Variants in RCOR1 observed in about 807,000 individuals in gnomAD.
RCOR1 encodes the protein REST corepressor.
RCOR1 carries 12 observed loss-of-function variants against 64.0 expected under a neutral mutation model. The ratio of observed to expected loss-of-function variants is 0.19; its 90% CI spans 0.12 to 0.30. The LOEUF is 0.30. Among genes scored for constraint, RCOR1 ranks in the 10% least tolerant of loss-of-function variants. The pLI, the probability that RCOR1 is intolerant of heterozygous loss-of-function variation, is 1.00. For missense variants in RCOR1, 502 were observed against 621.2 expected, an observed-to-expected ratio of 0.81 and a Z score of 2.04; for synonymous variants, 279 against 227.2, an observed-to-expected ratio of 1.23 and a Z score of -2.05.
intron 2 of RCOR1, among the ~76,000 whole-genome samples, chr14:102,668,096 G>A (rs1260588099): frequency 6.6e-6 from 1 of 152,156 alleles, no homozygotes; most frequent in Non-Finnish European, 1.5e-5. Context: ...TAAAAAAGTG[G>A]TAGAGAAAAC....
At chr14:102,720,736 C>T (rs1896155243) in intron 8 of RCOR1, among the ~76,000 whole-genome samples, 1 of 152,154 alleles carries the variant, frequency 6.6e-6, no homozygotes, top group African/African-American at 2.4e-5. Flanking sequence ...TCAGGTATCA[C>T]CTGTTAGGAA....
At chr14:102,610,637 A>G (rs545018941) in intron 2 of RCOR1, among the ~76,000 whole-genome samples, 1 of 152,136 alleles carries the variant, frequency 6.6e-6, no homozygotes, top group Non-Finnish European at 1.5e-5. Flanking sequence ...ATCTCAGCTT[A>G]CTGCAAGCTC....
intron 2 of RCOR1, among the ~76,000 whole-genome samples, chr14:102,620,178 C>T (rs1447068640): frequency 6.6e-6 from 1 of 151,546 alleles, no homozygotes; most frequent in Non-Finnish European, 1.5e-5. Flanking sequence ...TTGCTTAAGG[C>T]CAGGAGTTTG....
intron 2 of RCOR1, among the ~76,000 whole-genome samples, chr14:102,597,732 C>T (rs1328741132): frequency 7.1e-6 from 1 of 141,792 alleles, no homozygotes; most frequent in Non-Finnish European, 1.5e-5. Flanking sequence ...CTCCCGGGTT[C>T]AAGCAGTTCT....
chr14:102,701,318 C>T lies in RCOR1; in HGVS notation c.486C>T (p.Tyr162=). ...CCATTGCCAAAGAAAAGCATGGGTACAACATGGAACAGGTAATATCATGGT... is the reference window on the plus strand; with the variant it reads ...CCATTGCCAAAGAAAAGCATGGGTATAACATGGAACAGGTAATATCATGGT... ...YIAIAKEKHG[Y]NMEQALGMLF... The change falls in exon 4 of 12, where the codon TAC becomes TAT. Residue 162 remains tyrosine (Y), a synonymous_variant. Transcript: ENST00000262241. 1 of 1,607,672 alleles carries T rather than the reference C, an allele frequency of 6.2e-7. No individual in the cohort carries two copies. The highest frequency in any genetic ancestry group is 8.5e-7 in the Non-Finnish European group (1 of 1,177,282).
At chr14:102,653,305 G>T (rs966568334) in intron 2 of RCOR1, among the ~76,000 whole-genome samples, 1 of 151,862 alleles carries the variant, frequency 6.6e-6, no homozygotes, top group African/African-American at 2.4e-5. Flanking sequence ...TGGAGCCTCC[G>T]CCTCCTGGGC....
At chr14:102,626,568 G>C (rs1322030819) in intron 2 of RCOR1, among the ~76,000 whole-genome samples, 2 of 152,184 alleles carry the variant, frequency 1.3e-5, no homozygotes, top group African/African-American at 2.4e-5. Context: ...TTACTGGTCA[G>C]AGTTGCCTGA....
At chr14:102,676,671 T>C (rs868550479) in intron 2 of RCOR1, among the ~76,000 whole-genome samples, 109 of 51,464 alleles carry the variant, frequency 2.1e-3, no homozygotes, top group African/African-American at 6.9e-3. Context: ...GGCGGCTGGC[T>C]GGGCGGGGGG....
intron 2 of RCOR1, among the ~76,000 whole-genome samples, chr14:102,609,530 T>C (rs1893583202): frequency 6.6e-6 from 1 of 151,884 alleles, no homozygotes; most frequent in Admixed American, 6.6e-5. Flanking sequence ...GTTTCCGCCT[T>C]CCAGGTTCAA....
At chr14:102,676,306 A>AC (rs1895151175) in intron 2 of RCOR1, among the ~76,000 whole-genome samples, 1 of 141,794 alleles carries the variant, frequency 7.1e-6, no homozygotes, top group African/African-American at 2.7e-5. Context: ...AGCGCCCCTC[A>AC]CCTCCCGGAT....
rs2140000284 is a variant in RCOR1, at chr14:102,729,607, C to CA, written c.*3101_*3102insA. 1 of 370,016 alleles carries CA rather than the reference C, an allele frequency of 2.7e-6. No individual in the cohort carries two copies. Among genetic ancestry groups the CA allele is most frequent in the Non-Finnish European group, 4.8e-6 (1 of 208,196 alleles). The allele number at this position is 370,016 out of a possible 1,614,324, so 22.9% of individuals were successfully genotyped here. ...AAGGTAGTTAGTTGGGTTGTAACAG[C>CA]TTACTGGGGTGGACTCATAAAACAG... On this transcript the variant is annotated 3_prime_UTR_variant, in exon 12 of 12. Transcript: ENST00000262241.
At chr14:102,672,388 A>G (rs1215362689) in intron 2 of RCOR1, among the ~76,000 whole-genome samples, 1 of 151,278 alleles carries the variant, frequency 6.6e-6, no homozygotes, top group Non-Finnish European at 1.5e-5. Flanking sequence ...TTTTTTTTGT[A>G]TTTTTAGTAG....
At chr14:102,602,694 A>C (rs1294854231) in intron 2 of RCOR1, among the ~76,000 whole-genome samples, 1 of 152,106 alleles carries the variant, frequency 6.6e-6, no homozygotes, top group Non-Finnish European at 1.5e-5. Flanking sequence ...GACGTGATCC[A>C]CTGTGCCTGG....
intron 2 of RCOR1, among the ~76,000 whole-genome samples, chr14:102,669,624 A>G (rs1354050820): frequency 6.6e-6 from 1 of 152,108 alleles, no homozygotes; most frequent in Non-Finnish European, 1.5e-5. Flanking sequence ...CATAGGTGTG[A>G]TGTTGGGCAG....
At chr14:102,607,798 C>A (rs532720275) in intron 2 of RCOR1, among the ~76,000 whole-genome samples, 1 of 152,128 alleles carries the variant, frequency 6.6e-6, no homozygotes, top group African/African-American at 2.4e-5. Context: ...AGGAGAATCG[C>A]TTGAACCCGG....
intron 3 of RCOR1, among the ~76,000 whole-genome samples, chr14:102,687,128 A>T (rs549536846): frequency 2.0e-5 from 3 of 152,338 alleles, no homozygotes; most frequent in African/African-American, 7.2e-5. Flanking sequence ...TATATTGAAC[A>T]GCTTTTTGTC....
chr14:102,716,990 C>T (rs922982207), intron 8 of RCOR1, among the ~76,000 whole-genome samples: 1 of 152,152 alleles, frequency 6.6e-6, no homozygotes. Context: ...TGTAATTTCT[C>T]TCAATGTTGT....
chr14:102,711,079 T>A (rs1349209494), intron 7 of RCOR1, 66 bp downstream of exon 7: 2 of 1,056,114 alleles, frequency 1.9e-6, no homozygotes, highest in Admixed American at 2.3e-5. Context: ...AATAAAACAT[T>A]CATGTTGCTT....
chr14:102,710,483 G>A (rs988726641), intron 6 of RCOR1, among the ~76,000 whole-genome samples: 4 of 152,096 alleles, frequency 2.6e-5, no homozygotes, highest in Non-Finnish European at 5.9e-5. Context: ...GTAGAAAGAC[G>A]GTACTTGGAA....
Sources: gnomAD v4.1 joint callset for allele counts (sites outside exome capture counted in the v4.1 genomes callset) on GRCh38, gnomAD v4.1.1 for gene constraint, MANE v1.5 for transcripts, NCBI Gene and HGNC (gene_info 2026-07-23, HGNC 2026-07-21) for gene names.